TIPIN: variants seen among roughly 807,000 people sequenced by gnomAD.
The protein encoded by TIPIN is TIMELESS-interacting protein.
TIPIN carries 29 observed loss-of-function variants against 35.6 expected under a neutral mutation model. The ratio of observed to expected loss-of-function variants is 0.82; its 90% CI spans 0.61 to 1.11. TIPIN has a LOEUF of 1.11. Ranked by LOEUF, TIPIN falls within the 50% of genes most tolerant of loss-of-function variation. TIPIN has a pLI of 0.00. For synonymous variants in TIPIN, 102 were observed against 121.5 expected, an observed-to-expected ratio of 0.84 and a Z score of 1.06; for missense variants, 296 against 345.4, an observed-to-expected ratio of 0.86 and a Z score of 1.13.
chr15:66,337,300 A>C lies in TIPIN; in HGVS notation c.683-119T>G. Reference sequence around the variant, plus strand: ...ATGAAGTCTAAGATCACTTAATGTTAATTATGATCACTTTCTTCTAAATAT... The same window carrying C: ...ATGAAGTCTAAGATCACTTAATGTTCATTATGATCACTTTCTTCTAAATAT... On this transcript the variant is annotated intron_variant, in intron 7 of 7. Coordinates refer to ENST00000261881, the MANE Select transcript of TIPIN (RefSeq NM_017858.3). 3 of 635,128 alleles carry C rather than the reference A, an allele frequency of 4.7e-6. No individual in the cohort carries two copies. In the South Asian group the frequency reaches 9.4e-5, roughly 20 times the overall value. 39.3% of individuals were successfully genotyped at this position (635,128 alleles called of 1,614,324 possible).
At chr15:66,351,050 C>T (rs2093164477) in intron 4 of TIPIN, among the ~76,000 whole-genome samples, 1 of 150,738 alleles carries the variant, frequency 6.6e-6, no homozygotes, top group South Asian at 2.1e-4. Context: ...TACACTCCTA[C>T]ATAATTCAAA....
At chr15:66,367,474 A>G (rs1376282875) in intron 1 of TIPIN, among the ~76,000 whole-genome samples, 2 of 151,314 alleles carry the variant, frequency 1.3e-5, no homozygotes, top group African/African-American at 4.9e-5. Flanking sequence ...GGCTCACTGC[A>G]ACCTCTGACT....
At chr15:66,372,328 T>C (rs2093280581) in intron 1 of TIPIN, among the ~76,000 whole-genome samples, 1 of 152,228 alleles carries the variant, frequency 6.6e-6, no homozygotes, top group Non-Finnish European at 1.5e-5. Flanking sequence ...AAAAATAATA[T>C]TACTTTCTTG....
intron 1 of TIPIN, among the ~76,000 whole-genome samples, chr15:66,365,238 T>A (rs1313228146): frequency 6.6e-6 from 1 of 152,132 alleles, no homozygotes; most frequent in Admixed American, 6.6e-5. Context: ...ATCAAGATGG[T>A]GGCGAAAGTG....
At chr15:66,381,125 A>G (rs890561260) in intron 1 of TIPIN, among the ~76,000 whole-genome samples, 4 of 152,168 alleles carry the variant, frequency 2.6e-5, no homozygotes, top group African/African-American at 9.7e-5. Context: ...AATTGTCTCC[A>G]GGAAAGCCTC....
intron 6 of TIPIN, among the ~76,000 whole-genome samples, chr15:66,344,567 A>C (rs2093110348): frequency 6.6e-6 from 1 of 152,058 alleles, no homozygotes; most frequent in Admixed American, 6.6e-5. Context: ...AATGAGATTT[A>C]AAGCTGGGTG....
At chr15:66,365,494 T>C (rs956041093) in intron 1 of TIPIN, among the ~76,000 whole-genome samples, 6 of 152,178 alleles carry the variant, frequency 3.9e-5, no homozygotes, top group Admixed American at 1.3e-4. Flanking sequence ...AATCAATAAA[T>C]AACCATAAAT....
chr15:66,376,086 T>C (rs1410309630), intron 1 of TIPIN, among the ~76,000 whole-genome samples: 1 of 152,128 alleles, frequency 6.6e-6, no homozygotes, highest in Non-Finnish European at 1.5e-5. Flanking sequence ...AGTGAGGCCT[T>C]GTCCCAAAAC....
At chr15:66,371,707 C>T (rs1224741856) in intron 1 of TIPIN, among the ~76,000 whole-genome samples, 9 of 151,722 alleles carry the variant, frequency 5.9e-5, no homozygotes, top group Admixed American at 1.3e-4. Context: ...TTAGTGGAGA[C>T]GGGGTTTCAC....
At chr15:66,385,770 A>G (rs918293270) in intron 1 of TIPIN, among the ~76,000 whole-genome samples, 2 of 151,668 alleles carry the variant, frequency 1.3e-5, no homozygotes, top group African/African-American at 4.9e-5. Flanking sequence ...TACAGGCGTG[A>G]GCCACCGCGC....
In TIPIN at chr15:66,352,182, A is replaced by G; in HGVS notation, c.159T>C (p.Arg53=). 1 of 1,610,408 alleles carries G rather than the reference A, an allele frequency of 6.2e-7. No individual in the cohort carries two copies. The highest frequency in any genetic ancestry group is 1.1e-5 in the South Asian group (1 of 90,218). The change falls in exon 3 of 8, where the codon CGT becomes CGC. Residue 53 remains arginine (R), a synonymous_variant. Coordinates refer to ENST00000261881, the MANE Select transcript of TIPIN (RefSeq NM_017858.3). The stretch of plus-strand genomic sequence containing the variant: ...TTTTAACTGTTCTCTTTGGAGGTAC[A>G]CGAACAGGTGCTCCATTTCCTGACT... ...DEESGNGAPV[R]VPPKRTVKRN...
rs1267570884 is a variant in TIPIN at position 66,341,561 on chromosome 15, GATC to G, written c.476-208_476-206del. ...AGGCGGGCGGATCACGAGGTCAGGA[GATC>G]GAGACCATCCCGGCTAACACGGTGA... On this transcript the variant is annotated intron_variant, in intron 6 of 7. Transcript: ENST00000261881. Among the ~76,000 whole-genome samples the G allele has an allele frequency of 0.043, 13 of 300 alleles. 3 individuals are homozygous for G. The Non-Finnish European group carries it at 1, about 23-fold the overall frequency. The allele number at this position is 300 out of a possible 152,430, so 0.2% of individuals were successfully genotyped here. A position where few individuals can be genotyped will look rare whatever the true frequency, so the allele number is the denominator to read the frequency against.
chr15:66,378,637 GTTT>G (rs1222061103), intron 1 of TIPIN, among the ~76,000 whole-genome samples: 4 of 151,094 alleles, frequency 2.6e-5, no homozygotes, highest in East Asian at 3.9e-4. Context: ...TTCTTCAAAT[GTTT>G]TTCTCATTCC....
At chr15:66,377,802 G>A (rs926200420) in intron 1 of TIPIN, among the ~76,000 whole-genome samples, 5 of 152,004 alleles carry the variant, frequency 3.3e-5, no homozygotes, top group Admixed American at 6.6e-5. Context: ...TCAGACTCCC[G>A]AGTAGCAGGG....
chr15:66,340,791 T>G (rs1056868936), intron 7 of TIPIN, among the ~76,000 whole-genome samples: 3 of 151,962 alleles, frequency 2.0e-5, no homozygotes, highest in Non-Finnish European at 4.4e-5. Flanking sequence ...GAGATGGGGT[T>G]TCATCATGTT....
In TIPIN at chr15:66,379,848, T is replaced by C. The variant is rs577469670; in HGVS notation, c.-9+6759A>G. 4.2e-5 allele frequency: 67 copies of C among 1,595,350 alleles called. No individual in the cohort carries two copies. In the East Asian group the frequency reaches 1.3e-3, roughly 31 times the overall value. ...TCTGGGGCCATTCACGATAACTGTGTGTCCCTTCAGAGTAATGTTGACATT... is the reference window on the plus strand; with the variant it reads ...TCTGGGGCCATTCACGATAACTGTGCGTCCCTTCAGAGTAATGTTGACATT... On this transcript the variant is annotated intron_variant, in intron 1 of 7. Coordinates refer to the TIPIN transcript ENST00000562124.
chr15:66,337,318 C>A, intron 7 of TIPIN, 137 bp from the exon 8 acceptor site: 15 of 534,540 alleles, frequency 2.8e-5, no homozygotes, highest in Non-Finnish European at 4.7e-5. Context: ...TCACTTTCTT[C>A]TAAATATATC....
chr15:66,355,027 C>CTTTTTTTT (rs747834289), intron 1 of TIPIN, among the ~76,000 whole-genome samples: 2 of 112,718 alleles, frequency 1.8e-5, no homozygotes, highest in Admixed American at 1.0e-4. Flanking sequence ...CAATATATAT[C>CTTTTTTTT]TTTTTTTTTT....
chr15:66,379,919 C>T (rs529082789), intron 1 of TIPIN: 26 of 1,428,664 alleles, frequency 1.8e-5, no homozygotes, highest in African/African-American at 7.0e-5. Context: ...TCTTCACTCT[C>T]GCAGTACACA....
Sources: allele counts gnomAD v4.1 joint callset (sites outside exome capture counted in the v4.1 genomes callset), GRCh38; gene constraint gnomAD v4.1.1; transcripts MANE v1.5; gene names NCBI Gene and HGNC (gene_info 2026-07-23, HGNC 2026-07-21).